DRC11: variants seen among roughly 807,000 people sequenced by gnomAD.
DRC11 encodes IQ and AAA domain-containing protein 1.
chr2:236,380,121 C>T, the DRC11 span, among the ~76,000 whole-genome samples: 1 of 152,184 alleles, frequency 6.6e-6, no homozygotes, highest in Non-Finnish European at 1.5e-5. The surrounding 1 kb of genome is among the most constrained non-coding windows in gnomAD (Gnocchi z 4.9). Flanking sequence ...TGCACTGAAG[C>T]TGGGCCCATG....
chr2:236,468,143 C>G, the DRC11 span, among the ~76,000 whole-genome samples: 1 of 152,224 alleles, frequency 6.6e-6, no homozygotes, highest in Non-Finnish European at 1.5e-5. Flanking sequence ...GTCACCCAGT[C>G]TGGAGTACAA....
At chr2:236,403,991 G>A in the DRC11 span, among the ~76,000 whole-genome samples, 3 of 151,832 alleles carry the variant, frequency 2.0e-5, no homozygotes, top group East Asian at 1.9e-4. Flanking sequence ...ACCAGGGGTC[G>A]CCTTCCCAGA....
At chr2:236,488,249 C>G in the DRC11 span, 1 of 1,262,186 alleles carries the variant, frequency 7.9e-7, no homozygotes, top group Non-Finnish European at 1.1e-6. Flanking sequence ...ATCAATTGAT[C>G]CCAGACACAT....
chr2:236,360,144 G>A, the DRC11 span, among the ~76,000 whole-genome samples: 1 of 152,152 alleles, frequency 6.6e-6, no homozygotes, highest in Non-Finnish European at 1.5e-5. This position sits in a 1 kb window ranked among gnomAD's most constrained non-coding sequence, Gnocchi z 5.8. Flanking sequence ...TAAGCTGTTT[G>A]GTGAGTCAGA....
the DRC11 span, among the ~76,000 whole-genome samples, chr2:236,409,568 A>G: frequency 6.6e-6 from 1 of 152,010 alleles, no homozygotes; most frequent in Non-Finnish European, 1.5e-5. Flanking sequence ...GGACAATTTG[A>G]CTTCCTCTTT....
the DRC11 span, among the ~76,000 whole-genome samples, chr2:236,427,878 A>G: frequency 6.6e-6 from 1 of 151,982 alleles, no homozygotes; most frequent in South Asian, 2.1e-4. This position sits in a 1 kb window ranked among gnomAD's most constrained non-coding sequence, Gnocchi z 5.9. Context: ...ATTGCTAGAA[A>G]TTTCCCTCTT....
At chr2:236,321,106 G>A in the DRC11 span, among the ~76,000 whole-genome samples, 2 of 152,268 alleles carry the variant, frequency 1.3e-5, no homozygotes, top group East Asian at 1.9e-4. Context: ...AGACTCACAG[G>A]TGATTTGACC....
the DRC11 span, among the ~76,000 whole-genome samples, chr2:236,448,765 G>A: frequency 2.6e-5 from 4 of 152,190 alleles, no homozygotes; most frequent in African/African-American, 9.7e-5. This position sits in a 1 kb window ranked among gnomAD's most constrained non-coding sequence, Gnocchi z 5.3. Flanking sequence ...TCGGGGCAGA[G>A]ACTATCACGC....
At chr2:236,308,719 G>A in the DRC11 span, among the ~76,000 whole-genome samples, 1 of 152,322 alleles carries the variant, frequency 6.6e-6, no homozygotes, top group Non-Finnish European at 1.5e-5. This position sits in a 1 kb window ranked among gnomAD's most constrained non-coding sequence, Gnocchi z 6.0. Flanking sequence ...TATTCCATCT[G>A]TGTATATACC....
the DRC11 span, among the ~76,000 whole-genome samples, chr2:236,500,528 C>T: frequency 4.6e-5 from 7 of 152,260 alleles, no homozygotes; most frequent in East Asian, 7.7e-4. The surrounding 1 kb of genome is among the most constrained non-coding windows in gnomAD (Gnocchi z 6.3). Context: ...CCAGCACGTC[C>T]GAATGCCAGA....
the DRC11 span, among the ~76,000 whole-genome samples, chr2:236,342,270 G>T: frequency 6.6e-6 from 1 of 152,166 alleles, no homozygotes; most frequent in Non-Finnish European, 1.5e-5. This position sits in a 1 kb window ranked among gnomAD's most constrained non-coding sequence, Gnocchi z 5.8. Flanking sequence ...TTGGGATCAG[G>T]GCAGCCTTTG....
chr2:236,410,483 C>G, the DRC11 span, among the ~76,000 whole-genome samples: 18 of 148,558 alleles, frequency 1.2e-4, no homozygotes, highest in African/African-American at 4.5e-4. Flanking sequence ...AGGTAATTTA[C>G]AGATTCAATG....
the DRC11 span, among the ~76,000 whole-genome samples, chr2:236,456,297 G>A: frequency 6.6e-6 from 1 of 152,160 alleles, no homozygotes; most frequent in Non-Finnish European, 1.5e-5. This position sits in a 1 kb window ranked among gnomAD's most constrained non-coding sequence, Gnocchi z 5.4. Context: ...TGAGGAAACA[G>A]AGGCACAGAG....
chr2:236,448,691 C>T, the DRC11 span, among the ~76,000 whole-genome samples: 4 of 152,010 alleles, frequency 2.6e-5, no homozygotes, highest in South Asian at 6.2e-4. This position sits in a 1 kb window ranked among gnomAD's most constrained non-coding sequence, Gnocchi z 5.3. Flanking sequence ...AGGAGGCCTC[C>T]GGAGGGCCCA....
At chr2:236,372,147 G>A in the DRC11 span, among the ~76,000 whole-genome samples, 9 of 152,168 alleles carry the variant, frequency 5.9e-5, no homozygotes, top group African/African-American at 7.2e-5. This position sits in a 1 kb window ranked among gnomAD's most constrained non-coding sequence, Gnocchi z 4.5. Context: ...GAAATATCTC[G>A]TTTTTATTAT....
chr2:236,371,214 G>A, the DRC11 span, among the ~76,000 whole-genome samples: 2 of 152,198 alleles, frequency 1.3e-5, no homozygotes, highest in African/African-American at 4.8e-5. The surrounding 1 kb of genome is among the most constrained non-coding windows in gnomAD (Gnocchi z 5.1). Flanking sequence ...GAAATAAACG[G>A]CTCTGGGCAC....
chr2:236,322,634 C>G, the DRC11 span, among the ~76,000 whole-genome samples: 1 of 152,112 alleles, frequency 6.6e-6, no homozygotes, highest in Non-Finnish European at 1.5e-5. Flanking sequence ...TGGGAAAAGG[C>G]TGAGTGAGGC....
At chr2:236,346,886 G>A in the DRC11 span, 6 of 162,544 alleles carry the variant, frequency 3.7e-5, no homozygotes, top group African/African-American at 1.4e-4. Flanking sequence ...AGGCAAAACG[G>A]TGGAATTTAA....
the DRC11 span, among the ~76,000 whole-genome samples, chr2:236,386,806 A>G: frequency 6.7e-6 from 1 of 150,234 alleles, no homozygotes; most frequent in Non-Finnish European, 1.5e-5. Context: ...ACTTAGTGCT[A>G]TAAATTTCCC....
Sources: gnomAD v4.1 joint callset for allele counts (sites outside exome capture counted in the v4.1 genomes callset) on GRCh38, gnomAD v4.1.1 for gene constraint, Gnocchi (gnomAD v3.1) non-coding constraint, MANE v1.5 for transcripts, NCBI Gene and HGNC (gene_info 2026-07-23, HGNC 2026-07-21) for gene names.